Variants in ADAM7 observed in about 807,000 individuals in gnomAD.
The protein encoded by ADAM7 is ADAM metallopeptidase domain 7, also known as disintegrin and metalloproteinase domain-containing protein 7.
In ADAM7, 97 loss-of-function variants were observed where a neutral mutation model predicts 102.9. That is an observed-to-expected ratio of 0.94 (90% CI 0.80 to 1.12). ADAM7 has a LOEUF of 1.12. ADAM7 is among the 50% of genes most tolerant of loss of function. The pLI is 0.00. For synonymous variants in ADAM7, 334 were observed against 304.4 expected, an observed-to-expected ratio of 1.10 and a Z score of -1.01; for missense variants, 991 against 908.7, an observed-to-expected ratio of 1.09 and a Z score of -1.16.
intron 3 of ADAM7, among the ~76,000 whole-genome samples, chr8:24,455,406 GT>G: frequency 6.6e-6 from 1 of 152,100 alleles, no homozygotes; most frequent in Non-Finnish European, 1.5e-5. Flanking sequence ...TTTAGTATTT[GT>G]TTTTGTTTGT....
At chr8:24,451,497 C>A (rs570035201) in intron 3 of ADAM7, among the ~76,000 whole-genome samples, 2 of 152,214 alleles carry the variant, frequency 1.3e-5, no homozygotes, top group South Asian at 4.1e-4. Flanking sequence ...GTGGTGATAA[C>A]CCCTTTATCA....
chr8:24,447,145 T>G (rs1253482426), intron 2 of ADAM7, 41 bp from the exon 3 acceptor site: 401 of 1,197,500 alleles, frequency 3.3e-4, no homozygotes, highest in Non-Finnish European at 4.3e-4. Flanking sequence ...ACACACTAAA[T>G]GAGCCCATGT....
intron 8 of ADAM7, among the ~76,000 whole-genome samples, chr8:24,478,585 T>C (rs1022236845): frequency 6.6e-6 from 1 of 152,152 alleles, no homozygotes; most frequent in African/African-American, 2.4e-5. Context: ...TTCCACAGTG[T>C]GTTACTGTCC....
intron 6 of ADAM7, among the ~76,000 whole-genome samples, chr8:24,468,092 TA>T (rs1169810363): frequency 2.6e-5 from 4 of 151,342 alleles, no homozygotes; most frequent in East Asian, 1.9e-4. Flanking sequence ...AAAATAAATT[TA>T]AAAAAAAGAT....
intron 8 of ADAM7, among the ~76,000 whole-genome samples, chr8:24,480,810 G>A (rs1819923759): frequency 1.3e-5 from 2 of 151,984 alleles, no homozygotes; most frequent in African/African-American, 4.8e-5. Context: ...GAAGGTCAAG[G>A]CAGGAGAATC....
At chr8:24,479,827 A>T (rs1819888783) in intron 8 of ADAM7, among the ~76,000 whole-genome samples, 2 of 152,136 alleles carry the variant, frequency 1.3e-5, no homozygotes, top group Admixed American at 6.5e-5. Flanking sequence ...CTTGAAGGAG[A>T]CTGTCTTTTC....
At chr8:24,502,975 A>T (rs1356146282) in intron 20 of ADAM7, among the ~76,000 whole-genome samples, 1 of 152,172 alleles carries the variant, frequency 6.6e-6, no homozygotes, top group East Asian at 1.9e-4. Context: ...TTATTATTAG[A>T]TGTTAGCCAA....
At chr8:24,476,117 A>T in intron 7 of ADAM7, 1 of 393,074 alleles carries the variant, frequency 2.5e-6, no homozygotes. Flanking sequence ...ATAAAAATGG[A>T]CTCTAAAGAA....
intron 14 of ADAM7, 111 bp from the exon 15 acceptor site, chr8:24,492,384 C>T: frequency 1.2e-6 from 1 of 828,446 alleles, no homozygotes; most frequent in South Asian, 2.0e-5. Flanking sequence ...TTCCATTCTA[C>T]TTCACTATGA....
chr8:24,495,112 G>A (rs1022764243), intron 16 of ADAM7, among the ~76,000 whole-genome samples: 11 of 152,300 alleles, frequency 7.2e-5, no homozygotes, highest in Non-Finnish European at 1.5e-4. Flanking sequence ...CCCAGCTGGC[G>A]TGAGTGAAGC....
chr8:24,504,107 G>A (rs779982732), intron 20 of ADAM7, among the ~76,000 whole-genome samples: 1 of 151,894 alleles, frequency 6.6e-6, no homozygotes, highest in Non-Finnish European at 1.5e-5. Flanking sequence ...GTGGCTCACA[G>A]CTACAATTCT....
intron 6 of ADAM7, 63 bp from the exon 7 acceptor site, chr8:24,468,704 A>G: frequency 6.8e-7 from 1 of 1,466,472 alleles, no homozygotes; most frequent in African/African-American, 1.4e-5. Context: ...TTTTTTTCCA[A>G]CTTAAAGGGT....
chr8:24,474,381 G>C (rs936715102), intron 7 of ADAM7, among the ~76,000 whole-genome samples: 4 of 152,092 alleles, frequency 2.6e-5, no homozygotes, highest in Non-Finnish European at 5.9e-5. Context: ...CATATACTAG[G>C]TGAAGGGTTG....
chr8:24,497,396 G>T (rs1820596260), intron 16 of ADAM7, among the ~76,000 whole-genome samples: 1 of 151,974 alleles, frequency 6.6e-6, no homozygotes, highest in Non-Finnish European at 1.5e-5. Flanking sequence ...ATATAAAAAA[G>T]TATAATTTGA....
At chr8:24,455,631 C>G (rs1052442821) in intron 3 of ADAM7, among the ~76,000 whole-genome samples, 1 of 152,234 alleles carries the variant, frequency 6.6e-6, no homozygotes, top group Non-Finnish European at 1.5e-5. Flanking sequence ...GTCTGAAACT[C>G]TTAGGTTCAA....
intron 3 of ADAM7, among the ~76,000 whole-genome samples, chr8:24,454,204 G>A (rs1207465078): frequency 6.6e-6 from 1 of 152,370 alleles, no homozygotes; most frequent in South Asian, 2.1e-4. Context: ...GGACATTTAA[G>A]TCTGCAGAGG....
chr8:24,485,232 AACT>A, intron 9 of ADAM7, 42 bp from the exon 10 acceptor site: 4 of 1,538,326 alleles, frequency 2.6e-6, no homozygotes, highest in Non-Finnish European at 3.6e-6. Context: ...GTGTTAATTA[AACT>A]ACTAACTCAG....
chr8:24,473,218 A>G (rs1005981554), intron 7 of ADAM7, among the ~76,000 whole-genome samples: 1 of 152,074 alleles, frequency 6.6e-6, no homozygotes, highest in Non-Finnish European at 1.5e-5. Context: ...AGAGGAAAAA[A>G]CCCCACATTT....
chr8:24,463,073 C>G (rs1819302338), intron 3 of ADAM7, among the ~76,000 whole-genome samples: 1 of 152,064 alleles, frequency 6.6e-6, no homozygotes, highest in African/African-American at 2.4e-5. Flanking sequence ...ATTGTCTTCA[C>G]CTGTACAGAA....
Sources: allele counts gnomAD v4.1 joint callset (sites outside exome capture counted in the v4.1 genomes callset), GRCh38; gene constraint gnomAD v4.1.1; transcripts MANE v1.5; gene names NCBI Gene and HGNC (gene_info 2026-07-23, HGNC 2026-07-21).